Variants in CHRM3 observed in about 807,000 individuals in gnomAD.
CHRM3 encodes the protein cholinergic receptor muscarinic 3.
CHRM3 carries 11 observed loss-of-function variants against 41.8 expected under a neutral mutation model. The ratio of observed to expected loss-of-function variants is 0.26; its 90% CI spans 0.17 to 0.44. The LOEUF (loss-of-function observed/expected upper bound fraction) is 0.44. CHRM3 is among the 20% of genes least tolerant of loss of function. The pLI is 1.00. For synonymous variants in CHRM3, 297 were observed against 301.4 expected, an observed-to-expected ratio of 0.99 and a Z score of 0.15; for missense variants, 571 against 745.4, an observed-to-expected ratio of 0.77 and a Z score of 2.72.
intron 4 of CHRM3, among the ~76,000 whole-genome samples, chr1:239,638,496 C>T (rs1228752911): frequency 6.6e-6 from 1 of 152,156 alleles, no homozygotes; most frequent in East Asian, 1.9e-4. Flanking sequence ...TTTTGATTTG[C>T]ATTTCTCTGA....
chr1:239,419,210 T>C (rs1041034389), intron 1 of CHRM3, among the ~76,000 whole-genome samples: 1 of 152,182 alleles, frequency 6.6e-6, no homozygotes, highest in African/African-American at 2.4e-5. Flanking sequence ...GGCAGAAACA[T>C]CTATTCCTTT....
chr1:239,621,230 A>C (rs1339950607), intron 3 of CHRM3, among the ~76,000 whole-genome samples: 3 of 152,154 alleles, frequency 2.0e-5, no homozygotes, highest in Non-Finnish European at 4.4e-5. Flanking sequence ...TAATTAATGA[A>C]TGTGTTCTGA....
intron 3 of CHRM3, among the ~76,000 whole-genome samples, chr1:239,610,014 A>G (rs1234803577): frequency 6.6e-6 from 1 of 151,882 alleles, no homozygotes; most frequent in Non-Finnish European, 1.5e-5. Flanking sequence ...AACATGGTGA[A>G]ACCCCGTCTC....
At chr1:239,899,839 A>C (rs1350188697) in intron 6 of CHRM3, 1 of 152,106 alleles carries the variant, frequency 6.6e-6, no homozygotes, top group Non-Finnish European at 1.5e-5. Context: ...CATTCCCTGA[A>C]TGTTGCACCC....
intron 5 of CHRM3, among the ~76,000 whole-genome samples, chr1:239,684,553 C>A (rs1221241203): frequency 6.6e-6 from 1 of 150,926 alleles, no homozygotes; most frequent in Non-Finnish European, 1.5e-5. Flanking sequence ...AAAAATTAGC[C>A]GGGCATGTTG....
At chr1:239,557,224 C>T (rs1235001078) in intron 3 of CHRM3, among the ~76,000 whole-genome samples, 1 of 152,166 alleles carries the variant, frequency 6.6e-6, no homozygotes, top group Admixed American at 6.5e-5. Flanking sequence ...CTAATCTTTA[C>T]ATCTGAGTTC....
intron 1 of CHRM3, among the ~76,000 whole-genome samples, chr1:239,440,528 G>T (rs1335021537): frequency 2.0e-5 from 3 of 152,132 alleles, no homozygotes; most frequent in African/African-American, 7.2e-5. Context: ...CTAGGCTGCT[G>T]GTCTTAGACA....
chr1:239,693,264 A>T (rs1659878165), intron 5 of CHRM3, among the ~76,000 whole-genome samples: 1 of 152,022 alleles, frequency 6.6e-6, no homozygotes, highest in African/African-American at 2.4e-5. Flanking sequence ...AAACTCCCCA[A>T]ATTTCTGCAT....
intron 6 of CHRM3, chr1:239,886,740 G>T (rs1572595914): frequency 1.3e-5 from 2 of 152,230 alleles, no homozygotes; most frequent in African/African-American, 2.4e-5. Flanking sequence ...AGGAACTGTG[G>T]TAGACACCTG....
intron 5 of CHRM3, among the ~76,000 whole-genome samples, chr1:239,815,414 A>C (rs1671497453): frequency 6.6e-6 from 1 of 152,198 alleles, no homozygotes; most frequent in South Asian, 2.1e-4. Context: ...TAAAATTAAA[A>C]GGCTTGTCCA....
intron 1 of CHRM3, among the ~76,000 whole-genome samples, chr1:239,462,644 TA>T (rs1382842393): frequency 6.6e-6 from 1 of 152,356 alleles, no homozygotes; most frequent in East Asian, 1.9e-4. Flanking sequence ...ACAAATACTA[TA>T]AAAGAGATAA....
intron 6 of CHRM3, among the ~76,000 whole-genome samples, chr1:239,835,052 G>A (rs1295496028): frequency 6.6e-6 from 1 of 152,198 alleles, no homozygotes; most frequent in Non-Finnish European, 1.5e-5. Flanking sequence ...TCAGTTTACT[G>A]AAGATTCAGG....
rs538483016 is a variant in CHRM3, at chr1:239,715,584, C to T, written c.-147+37296C>T. Among the ~76,000 whole-genome samples the T allele has an allele frequency of 2.0e-5, 3 of 152,166 alleles. No individual in the cohort carries two copies. In the South Asian group the frequency reaches 6.2e-4, roughly 32 times the overall value. ...CTCCAGTGCACCACCACATAGAAAC[C>T]AATGGGATGGGAGAGGTTGAAGGTT... On this transcript the variant is annotated intron_variant, in intron 5 of 6. Coordinates refer to ENST00000676153, the MANE Select transcript of CHRM3 (RefSeq NM_001375978.1).
At chr1:239,612,129 C>A (rs947785221) in intron 3 of CHRM3, among the ~76,000 whole-genome samples, 1 of 152,168 alleles carries the variant, frequency 6.6e-6, no homozygotes, top group Admixed American at 6.5e-5. Flanking sequence ...GGAAGCACCA[C>A]GCCTTTTTTT....
chr1:239,678,896 A>C (rs1484462485), intron 5 of CHRM3, among the ~76,000 whole-genome samples: 1 of 152,176 alleles, frequency 6.6e-6, no homozygotes, highest in Non-Finnish European at 1.5e-5. Context: ...TGTTTAATGA[A>C]TTCTCTTGAA....
chr1:239,667,089 T>A (rs1673884403), intron 4 of CHRM3, among the ~76,000 whole-genome samples: 1 of 152,164 alleles, frequency 6.6e-6, no homozygotes, highest in Non-Finnish European at 1.5e-5. Context: ...AGGTAGATCA[T>A]CTTTATATTT....
chr1:239,488,137 C>T (rs1464527215), intron 1 of CHRM3, among the ~76,000 whole-genome samples: 1 of 152,080 alleles, frequency 6.6e-6, no homozygotes, highest in Non-Finnish European at 1.5e-5. Context: ...TAAATTGGTG[C>T]AAACTCATGG....
chr1:239,521,722 G>A (rs1572584649), intron 2 of CHRM3, among the ~76,000 whole-genome samples: 1 of 151,986 alleles, frequency 6.6e-6, no homozygotes, highest in African/African-American at 2.4e-5. Flanking sequence ...CATACCCACA[G>A]ATTAAACCAA....
chr1:239,859,814 G>A (rs1675462277), intron 6 of CHRM3, among the ~76,000 whole-genome samples: 1 of 94,770 alleles, frequency 1.1e-5, no homozygotes, highest in Non-Finnish European at 2.1e-5. Flanking sequence ...TAAGTTCTAA[G>A]TGTTTTATAT....
Sources: allele counts gnomAD v4.1 joint callset (sites outside exome capture counted in the v4.1 genomes callset), GRCh38; gene constraint gnomAD v4.1.1; transcripts MANE v1.5; gene names NCBI Gene and HGNC (gene_info 2026-07-23, HGNC 2026-07-21).